Variants in CFAP69 observed in about 807,000 individuals in gnomAD.
CFAP69 encodes the protein cilia and flagella associated protein 69.
CFAP69 carries 92 observed loss-of-function variants against 123.0 expected under a neutral mutation model. The ratio of observed to expected loss-of-function variants is 0.75; its 90% CI spans 0.63 to 0.89. CFAP69 has a LOEUF of 0.89. Among genes scored for constraint, CFAP69 ranks in the 40% least tolerant of loss-of-function variants. The probability of loss-of-function intolerance (pLI) is 0.00; values close to 1 mark genes in which losing one functional copy is unlikely to be tolerated. For synonymous variants in CFAP69, 380 were observed against 364.3 expected (o/e 1.04, Z -0.49); for missense variants, 1,067 against 1,096.9 (o/e 0.97, Z 0.39).
At chr7:90,299,367 T>G (rs1792434642) in intron 16 of CFAP69, among the ~76,000 whole-genome samples, 1 of 152,156 alleles carries the variant, frequency 6.6e-6, no homozygotes, top group Non-Finnish European at 1.5e-5. Context: ...GGATGATGAT[T>G]GCCACAAAAC....
intron 15 of CFAP69, among the ~76,000 whole-genome samples, chr7:90,290,806 TTTTCTTTTCTTTTC>T (rs1791060440): frequency 8.3e-6 from 1 of 119,952 alleles, no homozygotes. Context: ...TTTTCTTTTC[TTTTCTTTTCTTTTC>T]TTTTTTAAGG....
At chr7:90,276,960 G>A (rs1562877850) in intron 9 of CFAP69, 113 bp from the exon 10 acceptor site, 1 of 722,026 alleles carries the variant, frequency 1.4e-6, no homozygotes, top group South Asian at 2.6e-5. Flanking sequence ...GAATTCAAAT[G>A]AATGACAGTA....
At chr7:90,280,754 T>C (rs1031213507) in intron 12 of CFAP69, among the ~76,000 whole-genome samples, 10 of 152,226 alleles carry the variant, frequency 6.6e-5, no homozygotes, top group African/African-American at 2.2e-4. Context: ...ATTCCTTTTT[T>C]AAAAAGTTTT....
rs182787974 is a variant in CFAP69 at position 90,275,797 on chromosome 7, T to A, written c.985-1276T>A. ...TTTCGTATTTTTAGTAGAGACAGGG[T>A]TTCACTGTGTTAGCCAGGATGGTCT... On this transcript the variant is annotated intron_variant, in intron 9 of 22. Transcript: ENST00000389297. Among the ~76,000 whole-genome samples, 1,315 of 151,958 alleles carry A rather than the reference T, an allele frequency of 8.7e-3. 22 individuals are homozygous for A. Among genetic ancestry groups the A allele is most frequent in the African/African-American group, 0.029 (1,206 of 41,460 alleles).
At chr7:90,258,993 CAAGAT>C (rs1024890619) in intron 3 of CFAP69, among the ~76,000 whole-genome samples, 2 of 152,116 alleles carry the variant, frequency 1.3e-5, no homozygotes, top group Non-Finnish European at 2.9e-5. Flanking sequence ...AGGTTGTTAG[CAAGAT>C]TAGATGAGAT....
Position 90,271,983 on chromosome 7 carries a change from A to G in CFAP69, c.860+25A>G, listed in dbSNP as rs754498219. Reference sequence around the variant, plus strand: ...TGTAAGCGTATGTGGTTAGATAGGAATGTTCTTTTAATCTTAAAATGACAG... The same window carrying G: ...TGTAAGCGTATGTGGTTAGATAGGAGTGTTCTTTTAATCTTAAAATGACAG... On this transcript the variant is annotated intron_variant, in intron 8 of 22. Coordinates refer to ENST00000389297, the MANE Select transcript of CFAP69 (RefSeq NM_001039706.3). 3 of 1,574,334 alleles carry G rather than the reference A, an allele frequency of 1.9e-6. No homozygotes were observed. The South Asian group carries it at 3.6e-5, about 19-fold the overall frequency.
intron 1 of CFAP69, among the ~76,000 whole-genome samples, chr7:90,249,195 T>C (rs962816380): frequency 3.3e-5 from 5 of 152,176 alleles, no homozygotes; most frequent in African/African-American, 1.2e-4. Context: ...GTTCTCATGA[T>C]AGTGAGTTCT....
At chr7:90,291,039 A>G (rs962031939) in intron 15 of CFAP69, among the ~76,000 whole-genome samples, 11 of 152,116 alleles carry the variant, frequency 7.2e-5, no homozygotes, top group Non-Finnish European at 4.4e-5. Context: ...GCACTTTAGC[A>G]AATTCTTATA....
chr7:90,271,617 A>C lies in CFAP69; in HGVS notation c.624A>C (p.Glu208Asp). 1.2e-6 allele frequency: 2 copies of C among 1,613,734 alleles called. No homozygotes were observed. Among genetic ancestry groups the C allele is most frequent in the Non-Finnish European group, 1.7e-6 (2 of 1,179,698 alleles). ...TGGTCCAGTCAATGACCTTGCTTGA[A>C]AATCAACTTGTTGAGAAACTTTGGG... Reference protein sequence around the residue: ...KTMVQSMTLLENQLVEKLWVL... With the variant: ...KTMVQSMTLLDNQLVEKLWVL... The change falls in exon 7 of 23, where the codon GAA becomes GAC. Residue 208 changes from glutamate (E) to aspartate (D), a missense_variant. Transcript: ENST00000389297.
intron 15 of CFAP69, among the ~76,000 whole-genome samples, chr7:90,292,869 A>G (rs1049591859): frequency 4.6e-5 from 7 of 152,188 alleles, no homozygotes; most frequent in African/African-American, 9.6e-5. Flanking sequence ...AGAGATCACA[A>G]TCTCCAAAGT....
intron 21 of CFAP69, 23 bp from the exon 22 acceptor site, chr7:90,309,240 C>T (rs771553561): frequency 8.7e-7 from 1 of 1,151,502 alleles, no homozygotes; most frequent in Non-Finnish European, 1.2e-6. Flanking sequence ...TTAATATTTT[C>T]TTTCTAATTT....
intron 4 of CFAP69, among the ~76,000 whole-genome samples, chr7:90,263,249 A>G (rs944270388): frequency 1.8e-4 from 27 of 152,252 alleles, no homozygotes; most frequent in African/African-American, 5.5e-4. Flanking sequence ...TTTCATAATT[A>G]TTCACATTGT....
intron 4 of CFAP69, among the ~76,000 whole-genome samples, chr7:90,263,161 T>C (rs1473045067): frequency 6.6e-6 from 1 of 152,188 alleles, no homozygotes; most frequent in Non-Finnish European, 1.5e-5. Flanking sequence ...GTTCATTGTC[T>C]ATGAAAACTT....
chr7:90,296,727 A>T (rs1237206346), intron 15 of CFAP69, among the ~76,000 whole-genome samples: 1 of 152,178 alleles, frequency 6.6e-6, no homozygotes, highest in Non-Finnish European at 1.5e-5. Context: ...CAGTCAGTAC[A>T]CATAAGGTGT....
chr7:90,304,345 A>T, intron 18 of CFAP69: 1 of 1,262,414 alleles, frequency 7.9e-7, no homozygotes, highest in Non-Finnish European at 9.9e-7. Flanking sequence ...ATGTGCAGAT[A>T]GGATTAAGGA....
At chr7:90,261,473 AC>A (rs1041467444) in intron 3 of CFAP69, among the ~76,000 whole-genome samples, 6 of 152,220 alleles carry the variant, frequency 3.9e-5, no homozygotes, top group African/African-American at 9.6e-5. Context: ...TAAGCCTTAA[AC>A]ACAGGAAAAT....
chr7:90,300,300 TA>T (rs59795893), intron 17 of CFAP69: 721,093 of 852,574 alleles, frequency 0.85, 304,711 homozygotes, highest in East Asian at 0.99. Context: ...TTCTTTTAAC[TA>T]AAAAAAAAAT....
intron 4 of CFAP69, among the ~76,000 whole-genome samples, chr7:90,263,416 G>A (rs1020739904): frequency 6.6e-6 from 1 of 152,042 alleles, no homozygotes; most frequent in Non-Finnish European, 1.5e-5. Flanking sequence ...CAAGTAGTAT[G>A]GTTTTCTCAT....
chr7:90,286,025 G>A (rs970208950), intron 13 of CFAP69, among the ~76,000 whole-genome samples: 2 of 152,082 alleles, frequency 1.3e-5, no homozygotes, highest in Non-Finnish European at 2.9e-5. Flanking sequence ...TTCTAGGCTG[G>A]GCATGGTCGT....
Sources: allele counts gnomAD v4.1 joint callset (sites outside exome capture counted in the v4.1 genomes callset), GRCh38; gene constraint gnomAD v4.1.1; transcripts MANE v1.5; gene names NCBI Gene and HGNC (gene_info 2026-07-23, HGNC 2026-07-21).